The following LPIN1 variants were observed in gnomAD, a reference collection of about 807,000 sequenced individuals.
LPIN1 encodes phosphatidate phosphatase LPIN1.
In LPIN1, 71 loss-of-function variants were observed where a neutral mutation model predicts 107.5. The ratio of observed to expected loss-of-function variants is 0.66; its 90% CI spans 0.55 to 0.80. The LOEUF (loss-of-function observed/expected upper bound fraction) is 0.80, where lower values mean the gene tolerates loss of function less well. LPIN1 is among the 30% of genes least tolerant of loss of function. The probability of loss-of-function intolerance (pLI) is 0.00; values close to 1 mark genes in which losing one functional copy is unlikely to be tolerated. For missense variants in LPIN1, 1,043 were observed against 1,160.6 expected, an observed-to-expected ratio of 0.90 and a Z score of 1.47; for synonymous variants, 445 against 452.6, an observed-to-expected ratio of 0.98 and a Z score of 0.21.
chr2:11,686,033 C>T (rs1661982878), intron 1 of LPIN1, among the ~76,000 whole-genome samples: 1 of 152,228 alleles, frequency 6.6e-6, no homozygotes, highest in Admixed American at 6.5e-5. Flanking sequence ...AACCCCCCAG[C>T]TGGTGGGATA....
intron 1 of LPIN1, among the ~76,000 whole-genome samples, chr2:11,688,941 A>G (rs1010717852): frequency 6.6e-6 from 1 of 152,238 alleles, no homozygotes; most frequent in Non-Finnish European, 1.5e-5. Flanking sequence ...CTACCCAATT[A>G]GAAATGCCCA....
At chr2:11,760,852 C>A (rs1669711003) in intron 1 of LPIN1, among the ~76,000 whole-genome samples, 1 of 152,150 alleles carries the variant, frequency 6.6e-6, no homozygotes, top group Admixed American at 6.5e-5. Flanking sequence ...GTGGTCTCAT[C>A]ATTCGGTGAC....
chr2:11,735,800 A>G (rs1188293627), intron 1 of LPIN1, among the ~76,000 whole-genome samples: 2 of 152,258 alleles, frequency 1.3e-5, no homozygotes. Context: ...TAGCAAATTC[A>G]GTCTTTTTCT....
At chr2:11,720,757 A>C (rs1572395589), upstream of LPIN1, among the ~76,000 whole-genome samples, 1 of 151,994 alleles carries the variant, frequency 6.6e-6, no homozygotes. Context: ...CTGGAGCTGG[A>C]GCAGTGTGTG....
intron 17 of LPIN1, among the ~76,000 whole-genome samples, chr2:11,810,616 T>C (rs1679484458): frequency 6.6e-6 from 1 of 152,148 alleles, no homozygotes; most frequent in Non-Finnish European, 1.5e-5. Flanking sequence ...GAGTCCTTTT[T>C]CTCTACAGCA....
chr2:11,685,444 G>A (rs1035931033), intron 1 of LPIN1, among the ~76,000 whole-genome samples: 3 of 152,356 alleles, frequency 2.0e-5, no homozygotes, highest in Admixed American at 6.5e-5. Flanking sequence ...AATAATCCAA[G>A]TGGGAGGGGA....
intron 14 of LPIN1, among the ~76,000 whole-genome samples, 170 bp from the exon 15 acceptor site, chr2:11,802,737 G>A (rs1402938037): frequency 6.6e-6 from 1 of 152,192 alleles, no homozygotes; most frequent in Non-Finnish European, 1.5e-5. Context: ...CATGAATGGG[G>A]ATGTAGTGAG....
At position 11,697,803 on chromosome 2, in the gene LPIN1, C is replaced by T. The variant is rs1335111892; in HGVS notation, c.82-15953C>T. Among the ~76,000 whole-genome samples, 1 of 152,118 alleles carries T rather than the reference C, an allele frequency of 6.6e-6. No homozygotes were observed. Among genetic ancestry groups the T allele is most frequent in the African/African-American group, 2.4e-5 (1 of 41,422 alleles). On this transcript the variant is annotated intron_variant, in intron 1 of 21. Transcript: ENST00000449576. This position sits in a 1 kb window ranked among gnomAD's most constrained non-coding sequence, Gnocchi z 4.6. ...TTGTGTCCTTCCCCATTTACAACCC[C>T]CTCCTCCCCATCTCACCAGGCCAGG...
rs747443583 is a variant in LPIN1 at position 11,771,611 on chromosome 2, T to C, written c.528T>C (p.Ser176=). The change falls in exon 4 of 21, where the codon TCT becomes TCC. Residue 176 remains serine (S), a synonymous_variant. Coordinates refer to ENST00000674199, the MANE Select transcript of LPIN1 (RefSeq NM_001349206.2). The surrounding 1 kb of genome is among the most constrained non-coding windows in gnomAD (Gnocchi z 4.8). ...SLKRDDNMNT[S]EDEDMFPIEM... ...AGAGAGATGACAACATGAACACATC[T>C]GAGGATGAGGACATGTTCCCCATCG... is the stretch of plus-strand genomic sequence containing the variant. 5.6e-6 allele frequency: 9 copies of C among 1,610,136 alleles called. No homozygotes were observed. In the South Asian group the frequency reaches 1.0e-4, roughly 18 times the overall value.
intron 7 of LPIN1, among the ~76,000 whole-genome samples, 161 bp downstream of exon 7, chr2:11,779,806 C>G (rs1673269992): frequency 6.6e-6 from 1 of 152,174 alleles, no homozygotes; most frequent in Admixed American, 6.5e-5. Context: ...TTACTTTCTT[C>G]CACGTTACCA....
intron 17 of LPIN1, among the ~76,000 whole-genome samples, chr2:11,809,047 TAG>T (rs1425896188): frequency 6.6e-6 from 1 of 151,596 alleles, no homozygotes; most frequent in Admixed American, 6.6e-5. Flanking sequence ...ACCTTGTTCA[TAG>T]AGAGGGTATA....
chr2:11,783,744 G>A lies in LPIN1; in HGVS notation c.1265-85G>A, dbSNP rs1572796769. 5.3e-6 allele frequency: 6 copies of A among 1,136,294 alleles called. No individual in the cohort carries two copies. The East Asian group carries it at 9.4e-5, about 18-fold the overall frequency. The allele number at this position is 1,136,294 out of a possible 1,614,324, so 70.4% of individuals were successfully genotyped here. A position where few individuals can be genotyped will look rare whatever the true frequency, so the allele number is the denominator to read the frequency against. On this transcript the variant is annotated intron_variant, in intron 8 of 20. Transcript: ENST00000674199. ...ACCTGGGAGCAAATCTGCACATAGT[G>A]TTTAAATGCTGTTTCTATAGATACA...
At chr2:11,759,384 CTT>C (rs1484131433) in intron 1 of LPIN1, among the ~76,000 whole-genome samples, 2 of 152,038 alleles carry the variant, frequency 1.3e-5, no homozygotes, top group African/African-American at 4.8e-5. Context: ...GGTGATGACT[CTT>C]AACGAGCCTG....
intron 18 of LPIN1, chr2:11,817,203 C>G (rs899740491): frequency 2.6e-5 from 4 of 152,176 alleles, no homozygotes; most frequent in African/African-American, 9.7e-5. Context: ...TAGCACAACT[C>G]TTTAACTGGG....
chr2:11,727,265 C>A (rs933363756), intron 1 of LPIN1, among the ~76,000 whole-genome samples: 1 of 152,176 alleles, frequency 6.6e-6, no homozygotes, highest in South Asian at 2.1e-4. Context: ...GGAAAAGTAG[C>A]GTCTTCACCA....
chr2:11,811,281 C>T (rs1011885555), intron 17 of LPIN1, among the ~76,000 whole-genome samples: 1 of 152,208 alleles, frequency 6.6e-6, no homozygotes, highest in African/African-American at 2.4e-5. Flanking sequence ...GTGGCATGTC[C>T]TGCCACCGGT....
intron 2 of LPIN1, chr2:11,741,476 C>A: frequency 7.4e-7 from 1 of 1,355,728 alleles, no homozygotes; most frequent in Non-Finnish European, 1.0e-6. Flanking sequence ...GTGTTATGAC[C>A]ATTAGATAAA....
chr2:11,746,607 G>A, upstream of LPIN1: 4 of 985,180 alleles, frequency 4.1e-6, no homozygotes, highest in Non-Finnish European at 4.8e-6. Flanking sequence ...AAGGCGAGCT[G>A]CGCTGACAGC....
intron 1 of LPIN1, among the ~76,000 whole-genome samples, chr2:11,753,022 T>C (rs1668095075): frequency 6.6e-6 from 1 of 152,154 alleles, no homozygotes; most frequent in African/African-American, 2.4e-5. Flanking sequence ...GTGAATGCTT[T>C]GGAGCGTCTG....
Sources: allele counts gnomAD v4.1 joint callset (sites outside exome capture counted in the v4.1 genomes callset), GRCh38; gene constraint gnomAD v4.1.1; non-coding constraint Gnocchi (gnomAD v3.1); transcripts MANE v1.5; gene names NCBI Gene and HGNC (gene_info 2026-07-23, HGNC 2026-07-21).